Variants in TFPI observed in about 807,000 individuals in gnomAD.
The protein encoded by TFPI is tissue factor pathway inhibitor.
TFPI carries 15 observed loss-of-function variants against 34.6 expected under a neutral mutation model. The observed-to-expected ratio is 0.43, with a 90% CI of 0.29 to 0.67. The LOEUF (loss-of-function observed/expected upper bound fraction) is 0.67, where lower values mean the gene tolerates loss of function less well. Among genes scored for constraint, TFPI ranks in the 30% least tolerant of loss-of-function variants. The pLI, the probability that TFPI is intolerant of heterozygous loss-of-function variation, is 0.15. For synonymous variants in TFPI, 105 were observed against 120.1 expected (o/e 0.87, Z 0.82); for missense variants, 301 against 364.0 (o/e 0.83, Z 1.41).
At chr2:187,540,061 A>AT (rs1270108290) in intron 1 of TFPI, among the ~76,000 whole-genome samples, 1 of 151,550 alleles carries the variant, frequency 6.6e-6, no homozygotes, top group East Asian at 1.9e-4. Context: ...CGCCTGGCTA[A>AT]TTTTTTTTGT....
chr2:187,511,295 A>G (rs967202162), intron 1 of TFPI, among the ~76,000 whole-genome samples: 3 of 152,024 alleles, frequency 2.0e-5, no homozygotes, highest in African/African-American at 7.3e-5. Context: ...CTGTACCAGC[A>G]CTTTGGTTTT....
intron 1 of TFPI, chr2:187,516,897 C>T (rs1302186483): frequency 6.6e-6 from 1 of 152,228 alleles, no homozygotes; most frequent in Non-Finnish European, 1.5e-5. Context: ...TTGCTCAATC[C>T]ATCACGACCC....
chr2:187,509,864 G>A (rs770005018), intron 1 of TFPI, among the ~76,000 whole-genome samples: 6 of 152,084 alleles, frequency 3.9e-5, no homozygotes, highest in South Asian at 2.1e-4. Flanking sequence ...CTTGTTTAGC[G>A]TCCTTGCTCT....
rs1685555216 is a variant in TFPI, at chr2:187,497,358, G to T, written c.122-280C>A. 2.0e-5 allele frequency among the ~76,000 whole-genome samples: 3 copies of T among 152,000 alleles called. No homozygotes were observed. The South Asian group carries it at 6.2e-4, about 31-fold the overall frequency. ...AGTTGTAAGGCAACTTCATTCAAGTGGATGTGTCCACAATAGACCTCTTTT... is the reference window on the plus strand; with the variant it reads ...AGTTGTAAGGCAACTTCATTCAAGTTGATGTGTCCACAATAGACCTCTTTT... On this transcript the variant is annotated intron_variant, in intron 2 of 7. Coordinates refer to ENST00000233156, the MANE Select transcript of TFPI (RefSeq NM_006287.6).
chr2:187,504,333 G>T (rs1360898278), intron 1 of TFPI, among the ~76,000 whole-genome samples: 1 of 151,972 alleles, frequency 6.6e-6, no homozygotes, highest in Admixed American at 6.6e-5. Flanking sequence ...CAGGTTTTCT[G>T]TGAGATAGCA....
At chr2:187,486,393 T>A (rs541522732) in intron 4 of TFPI, among the ~76,000 whole-genome samples, 2 of 151,572 alleles carry the variant, frequency 1.3e-5, no homozygotes, top group African/African-American at 4.8e-5. Context: ...GGAAAAATAT[T>A]GCATATAAAA....
Position 187,503,671 on chromosome 2 carries a change from T to C in TFPI, c.98A>G (p.Asp33Gly), listed in dbSNP as rs980228588. Residue 33 changes from aspartate (D) to glycine (G), a missense_variant, in exon 2 of 8, where the codon GAT (aspartate) becomes GGT (glycine). Coordinates refer to ENST00000233156, the MANE Select transcript of TFPI (RefSeq NM_006287.6). ...PAPLNADSEE[D>G]EEHTIITDTE... ...ACCTGTGATAATTGTGTGTTCTTCATCTTCCTCAGAATCAGCATTAAGAGG... is the reference window on the plus strand; with the variant it reads ...ACCTGTGATAATTGTGTGTTCTTCACCTTCCTCAGAATCAGCATTAAGAGG... 3 of 1,613,048 alleles carry C rather than the reference T, an allele frequency of 1.9e-6. No individual in the cohort carries two copies. Among genetic ancestry groups the C allele is most frequent in the Non-Finnish European group, 2.5e-6 (3 of 1,179,300 alleles).
intron 3 of TFPI, among the ~76,000 whole-genome samples, chr2:187,494,751 T>C (rs1056228947): frequency 3.3e-5 from 5 of 151,596 alleles, no homozygotes; most frequent in African/African-American, 1.2e-4. Context: ...TTTCATGGAG[T>C]CTTCCTCTGT....
At chr2:187,516,755 C>G (rs1488468102) in intron 1 of TFPI, 1 of 152,154 alleles carries the variant, frequency 6.6e-6, no homozygotes, top group Non-Finnish European at 1.5e-5. Flanking sequence ...GTTAAAGATC[C>G]ACCCCTGACC....
intron 6 of TFPI, among the ~76,000 whole-genome samples, chr2:187,470,913 C>T (rs538053512): frequency 4.6e-5 from 7 of 152,186 alleles, no homozygotes; most frequent in Non-Finnish European, 1.5e-5. Context: ...ATGACTGATG[C>T]AATGTCAGTT....
intron 3 of TFPI, among the ~76,000 whole-genome samples, chr2:187,495,826 C>T (rs1685439544): frequency 6.6e-6 from 1 of 152,092 alleles, no homozygotes; most frequent in Admixed American, 6.6e-5. Context: ...ATCCAACCAG[C>T]TCTACGAACA....
At chr2:187,544,978 G>T (rs964905342) in intron 1 of TFPI, among the ~76,000 whole-genome samples, 2 of 152,028 alleles carry the variant, frequency 1.3e-5, no homozygotes, top group African/African-American at 4.8e-5. Context: ...AGCCGGTTGT[G>T]GTGTGCGCCT....
intron 3 of TFPI, among the ~76,000 whole-genome samples, chr2:187,494,963 T>TCCAC (rs1361669504): frequency 6.6e-6 from 1 of 152,134 alleles, no homozygotes; most frequent in Non-Finnish European, 1.5e-5. Context: ...CCTTAGGTGA[T>TCCAC]CCACCCACCT....
At chr2:187,514,502 C>T (rs970695840) in intron 1 of TFPI, 1 of 152,222 alleles carries the variant, frequency 6.6e-6, no homozygotes, top group Non-Finnish European at 1.5e-5. Flanking sequence ...AGGTTCACTT[C>T]GTGTCTCTCA....
At chr2:187,517,863 C>A (rs1173465049) in intron 1 of TFPI, 2 of 152,174 alleles carry the variant, frequency 1.3e-5, no homozygotes, top group African/African-American at 2.4e-5. Flanking sequence ...GTTAACTATT[C>A]TTGTTTCATT....
chr2:187,486,734 C>A (rs1200320591), intron 4 of TFPI, among the ~76,000 whole-genome samples: 1 of 151,550 alleles, frequency 6.6e-6, no homozygotes, highest in Non-Finnish European at 1.5e-5. Flanking sequence ...GCATACATAA[C>A]CCTTGCTCTA....
intron 1 of TFPI, among the ~76,000 whole-genome samples, chr2:187,533,490 A>T (rs949015095): frequency 1.3e-5 from 2 of 152,222 alleles, no homozygotes; most frequent in Non-Finnish European, 2.9e-5. Flanking sequence ...GTTAAAAGGA[A>T]AACTAACAAA....
intron 5 of TFPI, chr2:187,484,436 G>C: frequency 1.8e-6 from 1 of 543,680 alleles, no homozygotes; most frequent in Non-Finnish European, 3.2e-6. Context: ...TAATGTTTAA[G>C]TCATCCCTTT....
At chr2:187,551,600 C>T (rs949898448) in intron 1 of TFPI, among the ~76,000 whole-genome samples, 1 of 152,030 alleles carries the variant, frequency 6.6e-6, no homozygotes, top group Non-Finnish European at 1.5e-5. Flanking sequence ...ACCAAGAAAG[C>T]AGTCAGTGAG....
Sources: allele counts gnomAD v4.1 joint callset (sites outside exome capture counted in the v4.1 genomes callset), GRCh38; gene constraint gnomAD v4.1.1; transcripts MANE v1.5; gene names NCBI Gene and HGNC (gene_info 2026-07-23, HGNC 2026-07-21).